GRM1: variants seen among roughly 807,000 people sequenced by gnomAD.
GRM1 encodes the protein glutamate metabotropic receptor 1.
Under a neutral mutation model 90.9 loss-of-function variants are expected in GRM1, and 33 were observed. That is an observed-to-expected ratio of 0.36 (90% CI 0.28 to 0.49). The LOEUF (loss-of-function observed/expected upper bound fraction) is 0.49. Ranked by LOEUF, GRM1 falls within the 20% of genes least tolerant of loss-of-function variation. The pLI, the probability that GRM1 is intolerant of heterozygous loss-of-function variation, is 0.99. For synonymous variants in GRM1, 700 were observed against 613.2 expected (o/e 1.14, Z -2.09); for missense variants, 1,190 against 1,534.3 (o/e 0.78, Z 3.75).
chr6:146,292,961 C>T (rs1031139003), intron 2 of GRM1, among the ~76,000 whole-genome samples: 45 of 151,976 alleles, frequency 3.0e-4, no homozygotes, highest in African/African-American at 1.1e-3. Context: ...CACTGATATA[C>T]ACCACAAAAT....
intron 6 of GRM1, among the ~76,000 whole-genome samples, chr6:146,393,671 G>A (rs750332330): frequency 8.5e-5 from 13 of 152,268 alleles, no homozygotes; most frequent in Admixed American, 2.6e-4. Flanking sequence ...CATCAGTATC[G>A]TGAAAATGGC....
intron 7 of GRM1, among the ~76,000 whole-genome samples, chr6:146,411,175 G>A (rs940984863): frequency 1.3e-5 from 2 of 152,126 alleles, no homozygotes; most frequent in African/African-American, 4.8e-5. Flanking sequence ...GGTGTTATGG[G>A]AGTGTTATTA....
In GRM1 at chr6:146,043,665, A is replaced by G. The variant is rs200606116; in HGVS notation, c.700+13448A>G. ...ACTAAAATTAATGCTCAATCACAGA[A>G]TATATTCTAGCTTATGTGCATAGAT... On this transcript the variant is annotated intron_variant, in intron 1 of 7. Coordinates refer to ENST00000282753, the MANE Select transcript of GRM1 (RefSeq NM_001278064.2). Among the ~76,000 whole-genome samples the G allele has an allele frequency of 2.0e-5, 3 of 151,304 alleles. No individual in the cohort carries two copies. The East Asian group carries it at 5.8e-4, about 29-fold the overall frequency.
rs562811375 is a variant in GRM1 at position 146,330,719 on chromosome 6, G to A, written c.1187-21531G>A. Among the ~76,000 whole-genome samples, 417 of 152,048 alleles carry A rather than the reference G, an allele frequency of 2.7e-3. 2 individuals carry two copies. Among genetic ancestry groups the A allele is most frequent in the Non-Finnish European group, 3.9e-3 (264 of 67,992 alleles). On this transcript the variant is annotated intron_variant, in intron 3 of 7. Coordinates refer to ENST00000282753, the MANE Select transcript of GRM1 (RefSeq NM_001278064.2). ...TGTTTTAAATTCTTTAATGTTTTGA[G>A]GAAAACTAACAGGGCTTAATACATA...
chr6:146,127,108 G>T (rs1776226065), intron 1 of GRM1, among the ~76,000 whole-genome samples: 3 of 152,184 alleles, frequency 2.0e-5, no homozygotes, highest in Admixed American at 1.3e-4. Flanking sequence ...TATTAAATTT[G>T]CCTTGACTCA....
intron 2 of GRM1, among the ~76,000 whole-genome samples, chr6:146,161,805 G>C (rs1259917190): frequency 6.6e-6 from 1 of 152,150 alleles, no homozygotes; most frequent in Non-Finnish European, 1.5e-5. Flanking sequence ...TTTAATGAAA[G>C]CAGCCTTTAA....
In GRM1 at chr6:146,196,503, C is replaced by T. The variant is rs1344175259; in HGVS notation, c.950+36906C>T. Among the ~76,000 whole-genome samples the T allele has an allele frequency of 1.2e-4, 16 of 130,926 alleles. No individual in the cohort carries two copies. The East Asian group carries it at 3.6e-3, about 29-fold the overall frequency. 85.9% of individuals were successfully genotyped at this position (130,926 alleles called of 152,430 possible). On this transcript the variant is annotated intron_variant, in intron 2 of 7. Coordinates refer to ENST00000282753, the MANE Select transcript of GRM1 (RefSeq NM_001278064.2). The stretch of plus-strand genomic sequence containing the variant: ...TTTTTTTTTAGTAGAGACGGGGTTT[C>T]ACCATGTTAGCCAGGATGGTCTCGA...
intron 2 of GRM1, among the ~76,000 whole-genome samples, chr6:146,209,566 T>A (rs913563651): frequency 3.9e-5 from 6 of 151,930 alleles, no homozygotes; most frequent in African/African-American, 9.7e-5. Context: ...GAAAAAAAAA[T>A]TATGTATAGA....
chr6:146,029,670 C>T lies in GRM1; in HGVS notation c.153C>T (p.Phe51=). The T allele has an allele frequency of 6.2e-7, 1 of 1,614,118 alleles. No individual in the cohort carries two copies. Among genetic ancestry groups the T allele is most frequent in the South Asian group, 1.1e-5 (1 of 91,076 alleles). The change falls in exon 1 of 8, where the codon TTC becomes TTT. Residue 51 remains phenylalanine (F), a synonymous_variant. Transcript: ENST00000282753. ...MDGDVIIGAL[F]SVHHQPPAEK... is the part of the protein sequence containing the mutation. ...GAGATGTCATCATTGGAGCCCTCTTCTCAGTCCATCACCAGCCTCCGGCCG... is the reference window on the plus strand; with the variant it reads ...GAGATGTCATCATTGGAGCCCTCTTTTCAGTCCATCACCAGCCTCCGGCCG...
At chr6:146,178,064 T>A (rs1201906091) in intron 2 of GRM1, among the ~76,000 whole-genome samples, 4 of 152,330 alleles carry the variant, frequency 2.6e-5, no homozygotes, top group South Asian at 2.1e-4. Flanking sequence ...TACTGCATTA[T>A]AACAAAAGTC....
At chr6:146,431,659 A>T (rs1162614747) in intron 7 of GRM1, among the ~76,000 whole-genome samples, 1 of 152,136 alleles carries the variant, frequency 6.6e-6, no homozygotes, top group Non-Finnish European at 1.5e-5. Flanking sequence ...TTGTTTAAGC[A>T]TTTTCCTGGT....
intron 1 of GRM1, among the ~76,000 whole-genome samples, chr6:146,132,659 A>G (rs1206533968): frequency 1.3e-5 from 2 of 152,220 alleles, no homozygotes; most frequent in African/African-American, 2.4e-5. Context: ...ATGAAGGTAC[A>G]GTTTTGATGA....
chr6:146,151,846 G>T (rs1398121450), intron 1 of GRM1, among the ~76,000 whole-genome samples: 1 of 152,014 alleles, frequency 6.6e-6, no homozygotes, highest in African/African-American at 2.4e-5. Context: ...TCAAATAATA[G>T]GATTTCTTTG....
intron 2 of GRM1, among the ~76,000 whole-genome samples, chr6:146,202,576 G>A (rs1335449366): frequency 1.3e-5 from 2 of 152,142 alleles, no homozygotes; most frequent in Admixed American, 1.3e-4. Context: ...TAAAATGAAC[G>A]TGGATTATGT....
chr6:146,361,030 C>T (rs1183296853), intron 5 of GRM1, among the ~76,000 whole-genome samples: 3 of 152,180 alleles, frequency 2.0e-5, no homozygotes, highest in African/African-American at 7.2e-5. Flanking sequence ...TGTTCTGCTT[C>T]GTGTGGCCAA....
intron 3 of GRM1, among the ~76,000 whole-genome samples, chr6:146,307,655 G>T (rs1445599745): frequency 6.6e-6 from 1 of 152,160 alleles, no homozygotes; most frequent in Admixed American, 6.5e-5. Context: ...TTAGTGTGAG[G>T]AAGGAGAATT....
Position 146,435,142 on chromosome 6 carries a change from CATAG to C in GRM1, c.*350_*353del, listed in dbSNP as rs1272368744. 9 of 408,204 alleles carry C rather than the reference CATAG, an allele frequency of 2.2e-5. No individual in the cohort carries two copies. The highest frequency in any genetic ancestry group is 3.7e-5 in the Non-Finnish European group (8 of 216,028). 25.3% of individuals were successfully genotyped at this position (408,204 alleles called of 1,614,324 possible). A position where few individuals can be genotyped will look rare whatever the true frequency, so the allele number is the denominator to read the frequency against. On this transcript the variant is annotated 3_prime_UTR_variant, in exon 8 of 8. Coordinates refer to ENST00000282753, the MANE Select transcript of GRM1 (RefSeq NM_001278064.2). ...TAATGTCCTCTTTTGCACAATTGTGCATAGATATATATATGCCCACACACACTGG... is the reference window on the plus strand; with the variant it reads ...TAATGTCCTCTTTTGCACAATTGTGCATATATATATGCCCACACACACTGG...
chr6:146,168,466 A>T (rs1178438002), intron 2 of GRM1, among the ~76,000 whole-genome samples: 1 of 151,972 alleles, frequency 6.6e-6, no homozygotes, highest in African/African-American at 2.4e-5. Flanking sequence ...ATTTTTGCTT[A>T]AATAGTGAAT....
At chr6:146,323,124 G>A (rs1045766345) in intron 3 of GRM1, among the ~76,000 whole-genome samples, 38 of 152,110 alleles carry the variant, frequency 2.5e-4, no homozygotes, top group African/African-American at 8.7e-4. Context: ...CCCAGTGATG[G>A]GATGGCTGGG....
Sources: allele counts gnomAD v4.1 joint callset (sites outside exome capture counted in the v4.1 genomes callset), GRCh38; gene constraint gnomAD v4.1.1; transcripts MANE v1.5; gene names NCBI Gene and HGNC (gene_info 2026-07-23, HGNC 2026-07-21).